The following CUBN variants were observed in gnomAD, a reference collection of about 807,000 sequenced individuals.
CUBN encodes the protein cubilin, also known as 460 kDa receptor.
Under a neutral mutation model 405.3 loss-of-function variants are expected in CUBN, and 282 were observed. The observed-to-expected ratio is 0.70, with a 90% CI of 0.63 to 0.77. The LOEUF is 0.77. Ranked by LOEUF, CUBN falls within the 30% of genes least tolerant of loss-of-function variation. The probability of loss-of-function intolerance (pLI) is 0.00; values close to 1 mark genes in which losing one functional copy is unlikely to be tolerated. For synonymous variants in CUBN, 1,684 were observed against 1,617.0 expected (o/e 1.04, Z -0.99); for missense variants, 4,514 against 4,475.2 (o/e 1.01, Z -0.25).
At chr10:16,946,710 G>A (rs1842795136) in intron 36 of CUBN, among the ~76,000 whole-genome samples, 1 of 151,894 alleles carries the variant, frequency 6.6e-6, no homozygotes, top group East Asian at 1.9e-4. Flanking sequence ...TGGCCGGGCT[G>A]GTCTCGAACT....
chr10:16,835,024 T>A lies in CUBN; in HGVS notation c.10352A>T (p.Asp3451Val). 1 of 1,613,756 alleles carries A rather than the reference T, an allele frequency of 6.2e-7. No homozygotes were observed. The highest frequency in any genetic ancestry group is 8.5e-7 in the Non-Finnish European group (1 of 1,179,724). Reference protein sequence around the residue: ...GIENSVECRNDFLEVRNGSNS... With the variant: ...GIENSVECRNVFLEVRNGSNS... ...TCAAATGCATATCACCTCCAAGAAATCGTTTCTGCATTCAACTGAGTTCTC... is the reference window on the plus strand; with the variant it reads ...TCAAATGCATATCACCTCCAAGAAAACGTTTCTGCATTCAACTGAGTTCTC... The change falls in exon 64 of 67, where the codon GAT (aspartate) becomes GTT (valine). Residue 3451 changes from aspartate (D) to valine (V), a missense_variant. By Grantham distance (152) the Asp-to-Val change is radical. Around this residue, in one of 5 missense-constraint regions of CUBN, gnomAD observed 1,186 missense variants for 1,186.9 expected, o/e 1.00. Coordinates refer to ENST00000377833, the MANE Select transcript of CUBN (RefSeq NM_001081.4).
intron 14 of CUBN, among the ~76,000 whole-genome samples, chr10:17,098,601 T>C (rs1231173304): frequency 3.9e-5 from 6 of 152,126 alleles, no homozygotes; most frequent in African/African-American, 1.2e-4. Context: ...AAAGAAATAA[T>C]AGTTACAAAG....
intron 60 of CUBN, among the ~76,000 whole-genome samples, chr10:16,844,157 T>G (rs901494996): frequency 2.0e-5 from 3 of 151,682 alleles, no homozygotes; most frequent in Middle Eastern, 3.4e-3. Flanking sequence ...TAATCCCAGC[T>G]ACTTGGGAGG....
At chr10:16,874,318 C>G in intron 58 of CUBN, 56 bp downstream of exon 58, 1 of 1,590,322 alleles carries the variant, frequency 6.3e-7, no homozygotes, top group Middle Eastern at 1.7e-4. Context: ...ACGAATGGCT[C>G]TTCTATAAAT....
Position 16,950,678 on chromosome 10 carries a change from G to A in CUBN, c.4970-567C>T, listed in dbSNP as rs1319811896. Among the ~76,000 whole-genome samples, 9 of 152,274 alleles carry A rather than the reference G, an allele frequency of 5.9e-5. No homozygotes were observed. In the South Asian group the frequency reaches 1.5e-3, roughly 25 times the overall value. Reference sequence around the variant, plus strand: ...TAGATGGTTTCCTTTGAAGAGTAACGGAATAGATGCTTTTGAAACTGCCTG... The same window carrying A: ...TAGATGGTTTCCTTTGAAGAGTAACAGAATAGATGCTTTTGAAACTGCCTG... On this transcript the variant is annotated intron_variant, in intron 33 of 66. Coordinates refer to ENST00000377833, the MANE Select transcript of CUBN (RefSeq NM_001081.4).
intron 27 of CUBN, among the ~76,000 whole-genome samples, chr10:17,037,985 C>T (rs975241969): frequency 6.6e-6 from 1 of 150,484 alleles, no homozygotes; most frequent in Non-Finnish European, 1.5e-5. Context: ...GTCACCCAGG[C>T]TGGAATGCAA....
intron 10 of CUBN, among the ~76,000 whole-genome samples, chr10:17,107,208 C>T (rs138464037): frequency 7.9e-5 from 12 of 152,268 alleles, no homozygotes; most frequent in African/African-American, 2.9e-4. Flanking sequence ...TAAAAATACT[C>T]GTCATAGACA....
rs1201379976 is a variant in CUBN at position 16,869,652 on chromosome 10, A to G, written c.9438T>C (p.Ser3146=). The G allele has an allele frequency of 1.9e-6, 3 of 1,613,022 alleles. No homozygotes were observed. The highest frequency in any genetic ancestry group is 2.5e-6 in the Non-Finnish European group (3 of 1,179,208). ...SFQTAKGWKM[S]FRQTLGPQQG... ...AATTCTTACCCAATGTCTGCCGGAA[A>G]GACATCTTCCAGCCTTTTGCTGTCT... The change falls in exon 59 of 67, where the codon TCT becomes TCC. Residue 3146 remains serine (S), a synonymous_variant. Transcript: ENST00000377833.
At chr10:16,864,470 T>A (rs925434445) in intron 59 of CUBN, among the ~76,000 whole-genome samples, 7 of 152,152 alleles carry the variant, frequency 4.6e-5, no homozygotes, top group Non-Finnish European at 1.5e-5. Context: ...TAAGGTGCTT[T>A]CCAGAAATTA....
intron 28 of CUBN, among the ~76,000 whole-genome samples, chr10:17,015,172 T>C (rs986722950): frequency 2.0e-5 from 3 of 152,208 alleles, no homozygotes; most frequent in Non-Finnish European, 4.4e-5. Context: ...CTTTATGAGC[T>C]TCAGGCCTTG....
chr10:17,041,336 T>G, intron 26 of CUBN, 116 bp from the exon 27 acceptor site: 1 of 788,138 alleles, frequency 1.3e-6, no homozygotes, highest in Non-Finnish European at 2.2e-6. Context: ...CACACACACA[T>G]ATATGATGTG....
At chr10:17,068,406 A>C (rs1835661305) in intron 20 of CUBN, 126 bp from the exon 21 acceptor site, 1 of 1,047,640 alleles carries the variant, frequency 9.5e-7, no homozygotes, top group African/African-American at 1.6e-5. Flanking sequence ...GCCACTTAAG[A>C]TAACCTGATT....
intron 28 of CUBN, among the ~76,000 whole-genome samples, chr10:17,016,475 G>T (rs1834330720): frequency 6.6e-6 from 1 of 152,164 alleles, no homozygotes; most frequent in South Asian, 2.1e-4. Context: ...AAAGGCCAGG[G>T]TTTGATCTAA....
chr10:17,119,324 T>C (rs1192756476), intron 6 of CUBN, among the ~76,000 whole-genome samples: 1 of 152,188 alleles, frequency 6.6e-6, no homozygotes. Context: ...ACACCATCCA[T>C]GCATGGCAAG....
intron 52 of CUBN, 89 bp downstream of exon 52, chr10:16,901,249 T>A: frequency 6.4e-7 from 1 of 1,569,070 alleles, no homozygotes; most frequent in Non-Finnish European, 8.8e-7. Context: ...TCTAATCACT[T>A]GCTTAATAAA....
intron 29 of CUBN, among the ~76,000 whole-genome samples, chr10:16,985,100 C>G (rs1273475463): frequency 1.3e-5 from 2 of 152,242 alleles, no homozygotes; most frequent in Non-Finnish European, 2.9e-5. Flanking sequence ...GGCAAAGGCC[C>G]CATCCCCAAG....
chr10:16,860,618 T>C (rs559700920), intron 59 of CUBN, among the ~76,000 whole-genome samples: 1 of 152,354 alleles, frequency 6.6e-6, no homozygotes, highest in East Asian at 1.9e-4. Context: ...TATTATTTTA[T>C]TCTGCAAAGC....
intron 14 of CUBN, among the ~76,000 whole-genome samples, chr10:17,089,073 C>T (rs1907364): frequency 0.33 from 50,034 of 151,954 alleles, 9,960 homozygotes; most frequent in East Asian, 0.52. Context: ...AATCAAATGA[C>T]AGAAACACTA....
chr10:16,915,477 T>C (rs1841857457), intron 46 of CUBN, among the ~76,000 whole-genome samples: 1 of 152,150 alleles, frequency 6.6e-6, no homozygotes, highest in Non-Finnish European at 1.5e-5. Context: ...ATGCTACCAC[T>C]AGGAGACATG....
Sources: gnomAD v4.1 joint callset for allele counts (sites outside exome capture counted in the v4.1 genomes callset) on GRCh38, gnomAD v4.1.1 for gene constraint, gnomAD v4.1.1 regional missense constraint, MANE v1.5 for transcripts, NCBI Gene and HGNC (gene_info 2026-07-23, HGNC 2026-07-21) for gene names.